The following SSH2 variants were observed in gnomAD, a reference collection of about 807,000 sequenced individuals.
SSH2 encodes the protein protein phosphatase Slingshot homolog 2.
A neutral mutation model predicts 135.2 loss-of-function variants in SSH2; 37 were observed. That is an observed-to-expected ratio of 0.27 (90% CI 0.21 to 0.36). The LOEUF is 0.36. Ranked by LOEUF, SSH2 falls within the 10% of genes least tolerant of loss-of-function variation. SSH2 has a pLI of 1.00. For synonymous variants in SSH2, 628 were observed against 646.2 expected (o/e 0.97, Z 0.43); for missense variants, 1,408 against 1,765.3 (o/e 0.80, Z 3.63).
At chr17:29,918,844 G>A (rs1421936638) in intron 1 of SSH2, among the ~76,000 whole-genome samples, 3 of 152,068 alleles carry the variant, frequency 2.0e-5, no homozygotes, top group Admixed American at 1.3e-4. Context: ...GGCTGAGGCA[G>A]AAGAATCACT....
intron 1 of SSH2, among the ~76,000 whole-genome samples, chr17:29,928,919 G>C (rs969816108): frequency 1.3e-5 from 2 of 152,152 alleles, no homozygotes; most frequent in Non-Finnish European, 2.9e-5. Flanking sequence ...TCTGTAGGAA[G>C]TTCAAGGTGG....
At chr17:29,806,761 T>C (rs1405866980) in intron 2 of SSH2, among the ~76,000 whole-genome samples, 3 of 152,212 alleles carry the variant, frequency 2.0e-5, no homozygotes, top group African/African-American at 2.4e-5. Flanking sequence ...CCTCTACTTA[T>C]AGCCACATCT....
rs2035690174 is a variant in SSH2, at chr17:29,631,838, T to C, written c.3356A>G (p.His1119Arg). 6 of 1,614,176 alleles carry C rather than the reference T, an allele frequency of 3.7e-6. No individual in the cohort carries two copies. In the East Asian group the frequency reaches 1.3e-4, roughly 36 times the overall value. The change falls in exon 16 of 16, where the codon CAT becomes CGT. Residue 1119 changes from histidine (H) to arginine (R), a missense_variant. By Grantham distance (29) the His-to-Arg change is conservative. Coordinates refer to ENST00000540801, the MANE Select transcript of SSH2 (RefSeq NM_001282129.2). ...AGGGCTACTCAGGATGGAGGTTGGA[T>C]GGTCAGTGGGTCTGTTGTGCTCAGG... ...SSPEHNRPTD[H>R]PTSILSSPED...
intron 1 of SSH2, among the ~76,000 whole-genome samples, chr17:29,910,419 A>G (rs2066745495): frequency 6.6e-6 from 1 of 152,220 alleles, no homozygotes. Flanking sequence ...GCCTTACTCT[A>G]CATATGATTC....
intron 2 of SSH2, among the ~76,000 whole-genome samples, chr17:29,837,673 G>A (rs932440765): frequency 2.6e-5 from 4 of 152,212 alleles, no homozygotes; most frequent in African/African-American, 4.8e-5. Context: ...CATCCCAGGA[G>A]CCTGTGAGAA....
chr17:29,859,622 C>G (rs1478665333), intron 1 of SSH2, among the ~76,000 whole-genome samples: 1 of 152,144 alleles, frequency 6.6e-6, no homozygotes, highest in Admixed American at 6.6e-5. Flanking sequence ...AGGACATAAT[C>G]TTGTTCTTTT....
intron 3 of SSH2, among the ~76,000 whole-genome samples, chr17:29,748,177 C>CT (rs2040822142): frequency 6.6e-6 from 1 of 152,082 alleles, no homozygotes; most frequent in Non-Finnish European, 1.5e-5. Context: ...GTTGAGAGCT[C>CT]TTTTTTTATA....
intron 3 of SSH2, among the ~76,000 whole-genome samples, chr17:29,738,805 C>T (rs545357239): frequency 2.7e-4 from 41 of 152,180 alleles, no homozygotes; most frequent in South Asian, 6.2e-4. Context: ...CCGCCCGCCC[C>T]GGCCTCCCAA....
At chr17:29,812,397 C>A (rs2042459605) in intron 2 of SSH2, among the ~76,000 whole-genome samples, 1 of 152,062 alleles carries the variant, frequency 6.6e-6, no homozygotes, top group South Asian at 2.1e-4. Flanking sequence ...GATTCTCTCA[C>A]CTCAGCCTCC....
chr17:29,697,100 G>T (rs79632367), intron 4 of SSH2, among the ~76,000 whole-genome samples: 5,106 of 152,126 alleles, frequency 0.034, 125 homozygotes, highest in African/African-American at 0.062. Context: ...TATACATCTT[G>T]TCAAACTAAG....
chr17:29,830,549 A>T (rs2042827064), intron 2 of SSH2, among the ~76,000 whole-genome samples: 2 of 152,144 alleles, frequency 1.3e-5, no homozygotes, highest in African/African-American at 4.8e-5. Flanking sequence ...ACCTTTCTCC[A>T]CTAGAGTATA....
At chr17:29,885,780 G>A (rs574822911) in intron 1 of SSH2, among the ~76,000 whole-genome samples, 3 of 152,236 alleles carry the variant, frequency 2.0e-5, no homozygotes, top group East Asian at 1.9e-4. Flanking sequence ...CAAGTCTCAC[G>A]AGATCTGATG....
chr17:29,688,651 A>T (rs971600448), intron 5 of SSH2, among the ~76,000 whole-genome samples: 3 of 152,114 alleles, frequency 2.0e-5, no homozygotes, highest in African/African-American at 7.2e-5. Flanking sequence ...TCTTTGGTAG[A>T]GATGGGGTTT....
intron 1 of SSH2, among the ~76,000 whole-genome samples, chr17:29,866,773 G>A (rs1021141218): frequency 4.6e-5 from 7 of 152,062 alleles, no homozygotes; most frequent in Non-Finnish European, 8.8e-5. Flanking sequence ...TCCATTTTGG[G>A]TTAGGCTTCT....
At chr17:29,659,021 T>G (rs1189081421) in intron 11 of SSH2, among the ~76,000 whole-genome samples, 1 of 152,170 alleles carries the variant, frequency 6.6e-6, no homozygotes, top group Non-Finnish European at 1.5e-5. Flanking sequence ...TTCTTACTCA[T>G]ATTACCAATT....
intron 3 of SSH2, chr17:29,787,693 G>A (rs2041993979): frequency 6.6e-6 from 1 of 150,954 alleles, no homozygotes; most frequent in Non-Finnish European, 1.5e-5. Flanking sequence ...ATCTCACCGT[G>A]GTTTCAATTT....
intron 3 of SSH2, among the ~76,000 whole-genome samples, chr17:29,768,784 T>TAGTA (rs2041505450): frequency 6.6e-6 from 1 of 152,136 alleles, no homozygotes; most frequent in South Asian, 2.1e-4. Context: ...TCCTAGAATG[T>TAGTA]AGTAAGACAG....
intron 9 of SSH2, among the ~76,000 whole-genome samples, chr17:29,670,748 T>C (rs1176750711): frequency 2.0e-5 from 3 of 152,216 alleles, no homozygotes; most frequent in Admixed American, 2.0e-4. Context: ...CATTCCAGCC[T>C]GGGCGACAGA....
At chr17:29,725,278 CCGAGGTTGCAGTGAGCCAAGAT>C (rs2039962568) in intron 3 of SSH2, among the ~76,000 whole-genome samples, 1 of 102,734 alleles carries the variant, frequency 9.7e-6, no homozygotes, top group African/African-American at 3.5e-5. Flanking sequence ...ACCCAGGACG[CCGAGGTTGCAGTGAGCCAAGAT>C]TGCACCACTG....
Sources: allele counts gnomAD v4.1 joint callset (sites outside exome capture counted in the v4.1 genomes callset), GRCh38; gene constraint gnomAD v4.1.1; transcripts MANE v1.5; gene names NCBI Gene and HGNC (gene_info 2026-07-23, HGNC 2026-07-21).